MED13L: variants seen among roughly 807,000 people sequenced by gnomAD.
MED13L encodes mediator of RNA polymerase II transcription subunit 13-like.
In MED13L, 7 loss-of-function variants were observed where a neutral mutation model predicts 220.9. That is an observed-to-expected ratio of 0.03 (90% CI 0.02 to 0.06). The LOEUF (loss-of-function observed/expected upper bound fraction) is 0.06. Ranked by LOEUF, MED13L falls within the 10% of genes least tolerant of loss-of-function variation. MED13L has a pLI of 1.00. For synonymous variants in MED13L, 1,011 were observed against 1,015.2 expected, an observed-to-expected ratio of 1.00 and a Z score of 0.08; for missense variants, 1,965 against 2,760.5, an observed-to-expected ratio of 0.71 and a Z score of 6.46.
At chr12:116,019,512 A>G in intron 6 of MED13L, 100 bp from the exon 7 acceptor site, 1 of 1,354,724 alleles carries the variant, frequency 7.4e-7, no homozygotes, top group Admixed American at 1.9e-5. Flanking sequence ...ATGCTCATGA[A>G]GTACTGCCAA....
intron 4 of MED13L, among the ~76,000 whole-genome samples, chr12:116,093,207 T>C (rs1329689861): frequency 6.6e-6 from 1 of 152,130 alleles, no homozygotes; most frequent in Non-Finnish European, 1.5e-5. Context: ...AAGTTCAACC[T>C]AGACCTTAGA....
At chr12:116,196,833 G>A (rs1881658674) in intron 2 of MED13L, among the ~76,000 whole-genome samples, 1 of 152,090 alleles carries the variant, frequency 6.6e-6, no homozygotes, top group Admixed American at 6.6e-5. Flanking sequence ...AAAGTTTTGT[G>A]TATTTTAGGG....
intron 4 of MED13L, among the ~76,000 whole-genome samples, chr12:116,083,992 C>A (rs201797312): frequency 1.3e-5 from 2 of 152,154 alleles, no homozygotes; most frequent in East Asian, 3.9e-4. Flanking sequence ...ACATGTAATG[C>A]TTGAATTTTA....
At chr12:116,020,819 C>T (rs1410850119) in intron 5 of MED13L, among the ~76,000 whole-genome samples, 1 of 152,156 alleles carries the variant, frequency 6.6e-6, no homozygotes, top group African/African-American at 2.4e-5. Context: ...ATAAAGGCCA[C>T]TTTTTCTTAA....
At chr12:116,048,041 T>TA (rs1881943306) in intron 4 of MED13L, among the ~76,000 whole-genome samples, 1 of 152,114 alleles carries the variant, frequency 6.6e-6, no homozygotes. Flanking sequence ...GTTACTTTTT[T>TA]TTTTTTTGAG....
Position 116,025,992 on chromosome 12 carries a change from C to T in MED13L, c.480-3391G>A, listed in dbSNP as rs568249354. Among the ~76,000 whole-genome samples the T allele has an allele frequency of 4.6e-5, 7 of 151,554 alleles. No homozygotes were observed. The South Asian group carries it at 1.3e-3, about 27-fold the overall frequency. ...ATAAATATGTACAATTATTATGTGTCAATTTAAAATAAAATAGAATTCAAA... is the reference window on the plus strand; with the variant it reads ...ATAAATATGTACAATTATTATGTGTTAATTTAAAATAAAATAGAATTCAAA... On this transcript the variant is annotated intron_variant, in intron 4 of 30. Coordinates refer to ENST00000281928, the MANE Select transcript of MED13L (RefSeq NM_015335.5).
chr12:115,992,892 C>G (rs1878157068), intron 16 of MED13L, among the ~76,000 whole-genome samples: 1 of 152,056 alleles, frequency 6.6e-6, no homozygotes, highest in African/African-American at 2.4e-5. Context: ...TCTGCTGTTT[C>G]ATTATCATAA....
intron 3 of MED13L, among the ~76,000 whole-genome samples, chr12:116,108,395 G>T (rs1353689577): frequency 2.9e-5 from 4 of 139,076 alleles, no homozygotes; most frequent in African/African-American, 1.1e-4. Flanking sequence ...AAGAAAGGGG[G>T]GGGGGGCGCG....
At chr12:115,995,539 T>G (rs1878344446) in intron 16 of MED13L, among the ~76,000 whole-genome samples, 1 of 152,134 alleles carries the variant, frequency 6.6e-6, no homozygotes, top group South Asian at 2.1e-4. Flanking sequence ...TTCTCCTGCC[T>G]CAGCCTCCCA....
At chr12:116,106,573 A>G (rs935705434) in intron 3 of MED13L, among the ~76,000 whole-genome samples, 2 of 152,148 alleles carry the variant, frequency 1.3e-5, no homozygotes, top group Non-Finnish European at 2.9e-5. Flanking sequence ...GGCTGGGTAC[A>G]GTGGCTCACG....
chr12:116,274,424 CAAA>C (rs989877048), intron 1 of MED13L, among the ~76,000 whole-genome samples: 1 of 89,660 alleles, frequency 1.1e-5, no homozygotes, highest in South Asian at 3.0e-4. Flanking sequence ...AAAAACAAAA[CAAA>C]AAAAAAAAAA....
chr12:116,167,141 A>G (rs1048860895), intron 2 of MED13L, among the ~76,000 whole-genome samples: 2 of 152,314 alleles, frequency 1.3e-5, no homozygotes, highest in East Asian at 1.9e-4. Flanking sequence ...AGAGATAGAC[A>G]AATTGATTAA....
Position 115,970,679 on chromosome 12 carries a change from T to G in MED13L, c.5982A>C (p.Thr1994=). The G allele has an allele frequency of 6.2e-7, 1 of 1,614,056 alleles. No individual in the cohort carries two copies. Among genetic ancestry groups the G allele is most frequent in the Non-Finnish European group, 8.5e-7 (1 of 1,179,958 alleles). The change falls in exon 27 of 31, where the codon ACA becomes ACC. Residue 1994 remains threonine (T), a synonymous_variant. Coordinates refer to ENST00000281928, the MANE Select transcript of MED13L (RefSeq NM_015335.5). ...QLNTPQDASC[T]HILVFPTSST... ...ATGATGTTGGGAACACCAAGATGTGTGTACAAGAAGCATCTTGAGGGGTGT... is the reference window on the plus strand; with the variant it reads ...ATGATGTTGGGAACACCAAGATGTGGGTACAAGAAGCATCTTGAGGGGTGT...
intron 2 of MED13L, among the ~76,000 whole-genome samples, chr12:116,193,603 T>A (rs190548015): frequency 1.2e-5 from 1 of 84,266 alleles, no homozygotes; most frequent in East Asian, 3.4e-4. Flanking sequence ...TAGTGTAAAG[T>A]AGAAATCTCT....
At chr12:116,262,281 T>C (rs1195130565) in intron 1 of MED13L, among the ~76,000 whole-genome samples, 1 of 152,210 alleles carries the variant, frequency 6.6e-6, no homozygotes, top group Admixed American at 6.5e-5. Context: ...TACAAATGGC[T>C]AAAGAGTTAT....
chr12:115,978,679 T>C (rs896050273), intron 23 of MED13L, among the ~76,000 whole-genome samples: 1 of 152,170 alleles, frequency 6.6e-6, no homozygotes, highest in African/African-American at 2.4e-5. Flanking sequence ...TGTATCTCAA[T>C]AAAGCTGTTA....
chr12:116,171,375 T>G (rs556691356), intron 2 of MED13L, among the ~76,000 whole-genome samples: 11 of 152,340 alleles, frequency 7.2e-5, no homozygotes, highest in African/African-American at 2.6e-4. Flanking sequence ...TCAAAATCTT[T>G]ATATGGAGTT....
At chr12:116,249,746 A>AAAAC (rs1871357805) in intron 1 of MED13L, among the ~76,000 whole-genome samples, 3 of 147,242 alleles carry the variant, frequency 2.0e-5, no homozygotes, top group Admixed American at 6.7e-5. Context: ...AAAAAAAAAA[A>AAAAC]AAAAAAAAAA....
At chr12:116,173,581 C>G (rs916445003) in intron 2 of MED13L, among the ~76,000 whole-genome samples, 28 of 152,114 alleles carry the variant, frequency 1.8e-4, no homozygotes, top group African/African-American at 6.8e-4. Context: ...AAACTTGTCT[C>G]CTTTCCTTGC....
Sources: allele counts gnomAD v4.1 joint callset (sites outside exome capture counted in the v4.1 genomes callset), GRCh38; gene constraint gnomAD v4.1.1; transcripts MANE v1.5; gene names NCBI Gene and HGNC (gene_info 2026-07-23, HGNC 2026-07-21).